CDKAL1: variants seen among roughly 807,000 people sequenced by gnomAD.
CDKAL1 encodes threonylcarbamoyladenosine tRNA methylthiotransferase.
In CDKAL1, 32 loss-of-function variants were observed where a neutral mutation model predicts 68.2. The observed-to-expected ratio is 0.47, with a 90% CI of 0.35 to 0.63. The LOEUF (loss-of-function observed/expected upper bound fraction) is 0.63. Among genes scored for constraint, CDKAL1 ranks in the 30% least tolerant of loss-of-function variants. CDKAL1 has a pLI of 0.00. For missense variants in CDKAL1, 606 were observed against 696.7 expected (o/e 0.87, Z 1.47); for synonymous variants, 234 against 244.3 (o/e 0.96, Z 0.39).
At chr6:20,628,070 C>G (rs1349900401) in intron 4 of CDKAL1, among the ~76,000 whole-genome samples, 1 of 152,084 alleles carries the variant, frequency 6.6e-6, no homozygotes, top group Non-Finnish European at 1.5e-5. Flanking sequence ...CATTTCCAAT[C>G]TATATGCATT....
chr6:20,545,231 T>C (rs889957209), intron 2 of CDKAL1, among the ~76,000 whole-genome samples: 1 of 151,874 alleles, frequency 6.6e-6, no homozygotes, highest in Admixed American at 6.6e-5. Flanking sequence ...CTTATGCTTG[T>C]TTTATATATA....
intron 13 of CDKAL1, among the ~76,000 whole-genome samples, chr6:21,182,415 C>T (rs1167326065): frequency 6.6e-6 from 1 of 152,130 alleles, no homozygotes; most frequent in Non-Finnish European, 1.5e-5. Flanking sequence ...TACAAATGAA[C>T]AAAATCTCTA....
rs115182871 is a variant in CDKAL1 at position 20,577,702 on chromosome 6, G to C, written c.286+28997G>C. Among the ~76,000 whole-genome samples the C allele has an allele frequency of 4.9e-3, 745 of 152,328 alleles. 7 individuals carry two copies. The highest frequency in any genetic ancestry group is 0.017 in the African/African-American group (697 of 41,576). ...TTTCCTTGTCTAGCCCATAGTTACAGGGCCTTGGTGCTCTGATTTGAACAA... is the reference window on the plus strand; with the variant it reads ...TTTCCTTGTCTAGCCCATAGTTACACGGCCTTGGTGCTCTGATTTGAACAA... On this transcript the variant is annotated intron_variant, in intron 4 of 15. Coordinates refer to ENST00000274695, the MANE Select transcript of CDKAL1 (RefSeq NM_017774.3).
At chr6:20,768,492 CCTT>C (rs1301264020) in intron 7 of CDKAL1, among the ~76,000 whole-genome samples, 1 of 152,180 alleles carries the variant, frequency 6.6e-6, no homozygotes, top group African/African-American at 2.4e-5. Context: ...CTTGTGCCCT[CCTT>C]CTTACAAAAT....
chr6:20,802,867 T>A (rs1776425632), intron 8 of CDKAL1, among the ~76,000 whole-genome samples: 3 of 152,184 alleles, frequency 2.0e-5, no homozygotes. Context: ...GAAAACTTTT[T>A]TAATTGGATT....
At chr6:21,181,122 C>G (rs1163687306) in intron 13 of CDKAL1, among the ~76,000 whole-genome samples, 1 of 152,142 alleles carries the variant, frequency 6.6e-6, no homozygotes, top group Admixed American at 6.5e-5. Flanking sequence ...GAAAGCCACA[C>G]TCACCTTTAT....
chr6:20,980,319 G>T (rs1391652162), intron 10 of CDKAL1, among the ~76,000 whole-genome samples: 2 of 151,724 alleles, frequency 1.3e-5, no homozygotes, highest in Non-Finnish European at 2.9e-5. Context: ...CTCACTGCAA[G>T]CTCCGCCTCC....
intron 4 of CDKAL1, among the ~76,000 whole-genome samples, chr6:20,585,456 TC>T (rs1298079055): frequency 6.6e-6 from 1 of 152,210 alleles, no homozygotes; most frequent in Non-Finnish European, 1.5e-5. Context: ...ATAGCAAAAT[TC>T]CTTGGAAGGA....
chr6:20,921,069 C>T (rs189058692), intron 9 of CDKAL1, among the ~76,000 whole-genome samples: 1 of 152,196 alleles, frequency 6.6e-6, no homozygotes, highest in East Asian at 1.9e-4. Context: ...TGTTTGGATG[C>T]TTTACATAAT....
intron 4 of CDKAL1, among the ~76,000 whole-genome samples, chr6:20,561,884 T>C (rs962531031): frequency 6.6e-6 from 1 of 152,162 alleles, no homozygotes; most frequent in Admixed American, 6.5e-5. Flanking sequence ...AAAATTCTAT[T>C]TGGGTGGCTG....
intron 13 of CDKAL1, among the ~76,000 whole-genome samples, chr6:21,121,734 T>C (rs1339373037): frequency 6.6e-6 from 1 of 152,230 alleles, no homozygotes; most frequent in Non-Finnish European, 1.5e-5. Flanking sequence ...ATTGTAGTTA[T>C]TAGAATGTAA....
chr6:20,774,937 C>T (rs1454811998), intron 7 of CDKAL1, among the ~76,000 whole-genome samples: 8 of 152,054 alleles, frequency 5.3e-5, no homozygotes, highest in Admixed American at 1.3e-4. Context: ...GACACTTGTA[C>T]GTAACAACTC....
intron 11 of CDKAL1, among the ~76,000 whole-genome samples, chr6:21,025,498 T>C (rs796731254): frequency 5.9e-5 from 9 of 152,310 alleles, no homozygotes; most frequent in African/African-American, 1.9e-4. Flanking sequence ...TTTAGAACTT[T>C]CAGGCTGTCC....
At chr6:20,984,945 T>C (rs572770476) in intron 10 of CDKAL1, among the ~76,000 whole-genome samples, 57 of 152,286 alleles carry the variant, frequency 3.7e-4, no homozygotes, top group African/African-American at 1.3e-3. Context: ...CCTGCCCTTT[T>C]CTACCCAGAA....
intron 13 of CDKAL1, among the ~76,000 whole-genome samples, chr6:21,138,239 G>A (rs951884782): frequency 4.0e-5 from 6 of 151,098 alleles, no homozygotes; most frequent in African/African-American, 9.7e-5. Context: ...GTGTGTGTCT[G>A]TGTGTGTGTG....
chr6:20,866,048 G>A (rs1473734046), intron 9 of CDKAL1, among the ~76,000 whole-genome samples: 1 of 152,078 alleles, frequency 6.6e-6, no homozygotes, highest in Non-Finnish European at 1.5e-5. Flanking sequence ...CTCTTGTTTT[G>A]CTTTACTTTT....
chr6:20,815,740 C>T (rs1382635253), intron 8 of CDKAL1, among the ~76,000 whole-genome samples: 6 of 151,990 alleles, frequency 3.9e-5, no homozygotes, highest in African/African-American at 1.2e-4. Context: ...AGCTAGTCTA[C>T]CACCCAGAGA....
intron 12 of CDKAL1, among the ~76,000 whole-genome samples, chr6:21,070,393 TTCTC>T (rs1303674774): frequency 1.9e-5 from 1 of 53,138 alleles, no homozygotes. Context: ...TTCTTTTTGT[TTCTC>T]TCTTTTTTTT....
At chr6:20,954,349 C>T (rs62405341) in intron 9 of CDKAL1, among the ~76,000 whole-genome samples, 12,356 of 152,120 alleles carry the variant, frequency 0.081, 669 homozygotes, top group Non-Finnish European at 0.12. Flanking sequence ...CTCTTCTGTT[C>T]TGTCAACTAA....
Sources: allele counts gnomAD v4.1 joint callset (sites outside exome capture counted in the v4.1 genomes callset), GRCh38; gene constraint gnomAD v4.1.1; transcripts MANE v1.5; gene names NCBI Gene and HGNC (gene_info 2026-07-23, HGNC 2026-07-21).